Variants in CRHBP observed in about 807,000 individuals in gnomAD.
The protein encoded by CRHBP is corticotropin-releasing hormone-binding protein.
Under a neutral mutation model 34.9 loss-of-function variants are expected in CRHBP, and 19 were observed. That is an observed-to-expected ratio of 0.55 (90% CI 0.38 to 0.80). CRHBP has a LOEUF of 0.80. Among genes scored for constraint, CRHBP ranks in the 30% least tolerant of loss-of-function variants. The pLI is 0.00. For synonymous variants in CRHBP, 154 were observed against 153.4 expected (o/e 1.00, Z -0.03); for missense variants, 328 against 409.2 (o/e 0.80, Z 1.71).
chr5:76,976,634 A>G (rs1198458679), intron 3 of CRHBP: 1 of 152,198 alleles, frequency 6.6e-6, no homozygotes, highest in East Asian at 1.9e-4. Flanking sequence ...TTTTAATGCG[A>G]TGGCTTGCAT....
rs1305728636 is a variant in CRHBP at position 76,969,019 on chromosome 5, A to G, written c.*134A>G. On this transcript the variant is annotated 3_prime_UTR_variant, in exon 7 of 7. Transcript: ENST00000274368. The stretch of plus-strand genomic sequence containing the variant: ...CCCAGCCTTGAGCGCACGCGCGCAC[A>G]CACACACACACATACACACACGCAT... 6.9e-6 allele frequency: 6 copies of G among 869,372 alleles called. No homozygotes were observed. Among genetic ancestry groups the G allele is most frequent in the South Asian group, 5.6e-5 (3 of 54,032 alleles). The allele number at this position is 869,372 out of a possible 1,614,324, so 53.9% of individuals were successfully genotyped here. A position where few individuals can be genotyped will look rare whatever the true frequency, so the allele number is the denominator to read the frequency against.
At position 76,958,772 on chromosome 5, in the gene CRHBP, A is replaced by G. The variant is rs2150706152; in HGVS notation, c.576A>G (p.Gly192=). The G allele has an allele frequency of 1.2e-6, 2 of 1,611,806 alleles. No homozygotes were observed. The highest frequency in any genetic ancestry group is 2.2e-5 in the East Asian group (1 of 44,866). The change falls in exon 5 of 7, where the codon GGA becomes GGG. Residue 192 remains glycine, a synonymous_variant. Coordinates refer to ENST00000274368, the MANE Select transcript of CRHBP (RefSeq NM_001882.4). ...PCNVISQTPN[G]KFTLVVPHQH... ...ATGTCATTTCTCAGACTCCAAATGG[A>G]AAGTTTACCCTGGTAGTTCCACACC... is the stretch of plus-strand genomic sequence containing the variant.
At chr5:76,955,900 T>C in intron 4 of CRHBP, 37 bp downstream of exon 4, 2 of 1,579,332 alleles carry the variant, frequency 1.3e-6, no homozygotes, top group Non-Finnish European at 1.7e-6. Context: ...ACTTCGGATA[T>C]AGACCCGCTT....
chr5:76,975,828 ATATAT>A (rs1746020318), intron 2 of CRHBP, among the ~76,000 whole-genome samples: 2 of 90,488 alleles, frequency 2.2e-5, no homozygotes, highest in South Asian at 3.3e-4. Flanking sequence ...AAAAAAAAAT[ATATAT>A]ATATATATAT....
At chr5:76,958,027 C>CGG (rs1402998163) in intron 4 of CRHBP, among the ~76,000 whole-genome samples, 9 of 151,774 alleles carry the variant, frequency 5.9e-5, no homozygotes, top group Non-Finnish European at 1.3e-4. Flanking sequence ...GATGTTGTGG[C>CGG]ACATGTCTGT....
chr5:76,970,278 G>A (rs1287862335), downstream of CRHBP, among the ~76,000 whole-genome samples: 2 of 151,994 alleles, frequency 1.3e-5, no homozygotes, highest in Admixed American at 6.6e-5. Flanking sequence ...CTTTACTTTG[G>A]ATTAGTAGAT....
downstream of CRHBP, among the ~76,000 whole-genome samples, chr5:76,972,199 T>TAAAAAA (rs1185162755): frequency 6.9e-6 from 1 of 144,686 alleles, no homozygotes; most frequent in Non-Finnish European, 1.5e-5. Context: ...TGTGGCTAAT[T>TAAAAAA]AAAAAAAAAA....
At chr5:76,962,876 AAAG>A (rs1467802841) in intron 5 of CRHBP, among the ~76,000 whole-genome samples, 1 of 149,752 alleles carries the variant, frequency 6.7e-6, no homozygotes, top group African/African-American at 2.5e-5. Context: ...AAGAAGAAGA[AAAG>A]AGATGAGGTG....
rs761165770 is a variant in CRHBP, at chr5:76,953,170, T to C, written c.36T>C (p.Ile12=). The C allele has an allele frequency of 1.2e-6, 2 of 1,614,010 alleles. No individual in the cohort carries two copies. The highest frequency in any genetic ancestry group is 3.3e-4 in the Middle Eastern group (2 of 6,084). Residue 12 remains isoleucine (I), a synonymous_variant, in exon 1 of 7, where the codon ATT becomes ATC. Transcript: ENST00000274368. ...ACTTCAAACTTCAGTGTCACTTCAT[T>C]CTCATCTTCCTGACGGCTCTAAGAG... is the stretch of plus-strand genomic sequence containing the variant. ...SPNFKLQCHF[I]LIFLTALRGE...
intron 4 of CRHBP, among the ~76,000 whole-genome samples, chr5:76,958,028 A>G (rs1274222787): frequency 5.9e-5 from 9 of 151,910 alleles, no homozygotes; most frequent in Non-Finnish European, 1.3e-4. Flanking sequence ...ATGTTGTGGC[A>G]CATGTCTGTA....
intron 5 of CRHBP, among the ~76,000 whole-genome samples, chr5:76,961,426 A>G (rs1341378274): frequency 6.6e-6 from 1 of 152,228 alleles, no homozygotes; most frequent in Non-Finnish European, 1.5e-5. Context: ...TTTAGTTGTA[A>G]GAGATGTTCC....
At chr5:76,975,825 A>AAAAAAAAC in intron 2 of CRHBP, among the ~76,000 whole-genome samples, 12 of 61,862 alleles carry the variant, frequency 1.9e-4, no homozygotes, top group African/African-American at 1.1e-3. Context: ...AAAAAAAAAA[A>AAAAAAAAC]ATATATATAT....
At chr5:76,977,121 AG>A (rs1159261284) in intron 3 of CRHBP, among the ~76,000 whole-genome samples, 1 of 152,190 alleles carries the variant, frequency 6.6e-6, no homozygotes, top group Non-Finnish European at 1.5e-5. Flanking sequence ...TGCCAGGTAA[AG>A]GTAGGAAGGG....
chr5:76,979,999 G>C (rs60231642), intron 3 of CRHBP, among the ~76,000 whole-genome samples: 70,024 of 149,974 alleles, frequency 0.47, 18,385 homozygotes, highest in African/African-American at 0.72. Flanking sequence ...CGCCTGTAAT[G>C]CCAGCACTTT....
chr5:76,975,825 A>AAAAAAAAAAAATTATATATATATATATAT, intron 2 of CRHBP, among the ~76,000 whole-genome samples: 2 of 61,846 alleles, frequency 3.2e-5, no homozygotes, highest in Admixed American at 1.8e-4. Context: ...AAAAAAAAAA[A>AAAAAAAAAAAATTATATATATATATATAT]ATATATATAT....
At chr5:76,953,724 C>A in intron 2 of CRHBP, 30 bp downstream of exon 2, 3 of 1,576,494 alleles carry the variant, frequency 1.9e-6, no homozygotes, top group South Asian at 1.1e-5. Flanking sequence ...CTCGCGGGCG[C>A]CCGGGACGCG....
chr5:76,965,029 CA>C (rs151225907), intron 6 of CRHBP, among the ~76,000 whole-genome samples: 1 of 150,718 alleles, frequency 6.6e-6, no homozygotes. Context: ...AAAAAACACA[CA>C]AAAAAATACA....
downstream of CRHBP, among the ~76,000 whole-genome samples, chr5:76,970,615 A>G (rs1745931243): frequency 6.6e-6 from 1 of 152,222 alleles, no homozygotes; most frequent in African/African-American, 2.4e-5. Context: ...CATAGAAACT[A>G]AATTCTATGA....
chr5:76,961,942 CG>C (rs1383467123), intron 5 of CRHBP, among the ~76,000 whole-genome samples: 3 of 151,844 alleles, frequency 2.0e-5, no homozygotes, highest in East Asian at 1.9e-4. Context: ...TTAGTGGAGA[CG>C]GGGTTTCACC....
Sources: allele counts gnomAD v4.1 joint callset (sites outside exome capture counted in the v4.1 genomes callset), GRCh38; gene constraint gnomAD v4.1.1; transcripts MANE v1.5; gene names NCBI Gene and HGNC (gene_info 2026-07-23, HGNC 2026-07-21).